THEMIS: variants seen among roughly 807,000 people sequenced by gnomAD.
THEMIS encodes protein THEMIS.
In THEMIS, 37 loss-of-function variants were observed where a neutral mutation model predicts 52.6. That is an observed-to-expected ratio of 0.70 (90% CI 0.54 to 0.93). The LOEUF (loss-of-function observed/expected upper bound fraction) is 0.93. Ranked by LOEUF, THEMIS falls within the 40% of genes least tolerant of loss-of-function variation. The probability of loss-of-function intolerance (pLI) is 0.00; values close to 1 mark genes in which losing one functional copy is unlikely to be tolerated. For missense variants in THEMIS, 808 were observed against 763.1 expected (o/e 1.06, Z -0.69); for synonymous variants, 292 against 272.7 (o/e 1.07, Z -0.70).
intron 4 of THEMIS, among the ~76,000 whole-genome samples, chr6:127,768,787 T>C (rs952148363): frequency 5.9e-5 from 9 of 152,322 alleles, no homozygotes; most frequent in African/African-American, 2.2e-4. Context: ...GTTACCTCGA[T>C]GTAGCTGGAT....
chr6:127,798,510 A>C (rs528021834), intron 4 of THEMIS, among the ~76,000 whole-genome samples: 8 of 152,300 alleles, frequency 5.3e-5, no homozygotes, highest in African/African-American at 1.9e-4. Context: ...CAGATCTTTC[A>C]TGAACTATGA....
At chr6:127,790,709 G>T (rs114175111) in intron 4 of THEMIS, among the ~76,000 whole-genome samples, 7 of 152,184 alleles carry the variant, frequency 4.6e-5, no homozygotes, top group Non-Finnish European at 8.8e-5. Context: ...CTCAGCTTGC[G>T]TGACAAACCT....
At chr6:127,696,852 C>T in the THEMIS span, among the ~76,000 whole-genome samples, 1 of 152,116 alleles carries the variant, frequency 6.6e-6, no homozygotes, top group Admixed American at 6.5e-5. Flanking sequence ...CTTATAAAGG[C>T]ACCAATCTAC....
intron 1 of THEMIS, among the ~76,000 whole-genome samples, chr6:127,877,247 T>C (rs1780341805): frequency 6.6e-6 from 1 of 152,320 alleles, no homozygotes; most frequent in South Asian, 2.1e-4. Flanking sequence ...CCACTAAAAC[T>C]TTCTTATCAG....
At chr6:127,899,078 A>C (rs2114498752) in intron 1 of THEMIS, among the ~76,000 whole-genome samples, 1 of 151,984 alleles carries the variant, frequency 6.6e-6, no homozygotes, top group East Asian at 1.9e-4. Context: ...TATAGCTAAA[A>C]ATAATTTACT....
intron 2 of THEMIS, among the ~76,000 whole-genome samples, chr6:127,847,192 A>G (rs1779243863): frequency 6.6e-6 from 1 of 152,050 alleles, no homozygotes; most frequent in East Asian, 1.9e-4. Context: ...GAATGGGGAA[A>G]AGTTGAAAGC....
chr6:127,761,495 T>A (rs1346392809), intron 4 of THEMIS, among the ~76,000 whole-genome samples: 1 of 152,170 alleles, frequency 6.6e-6, no homozygotes, highest in East Asian at 1.9e-4. Flanking sequence ...CCCTTCCTCA[T>A]TTTAATGCTA....
Position 127,769,352 on chromosome 6 carries a change from G to T in THEMIS, c.1758+43531C>A, listed in dbSNP as rs866555048. 3.0e-3 allele frequency among the ~76,000 whole-genome samples: 415 copies of T among 139,938 alleles called. 1 individual carries two copies. The highest frequency in any genetic ancestry group is 9.3e-3 in the African/African-American group (358 of 38,480). 91.8% of individuals were successfully genotyped at this position (139,938 alleles called of 152,430 possible). A position where few individuals can be genotyped will look rare whatever the true frequency, so the allele number is the denominator to read the frequency against. On this transcript the variant is annotated intron_variant, in intron 4 of 5. Coordinates refer to ENST00000368248, the MANE Select transcript of THEMIS (RefSeq NM_001010923.3). ...AATGAAAATAGACCAGTTTTTTTTT[G>T]TTTTTTTTTTTTGTTTTTAGTATCT...
chr6:127,832,846 C>A (rs1778746595), intron 2 of THEMIS, among the ~76,000 whole-genome samples: 1 of 117,480 alleles, frequency 8.5e-6, no homozygotes, highest in South Asian at 3.0e-4. Flanking sequence ...TGCAGTGGTA[C>A]AATTTCGGCT....
At chr6:127,910,700 C>T (rs1050039810) in intron 1 of THEMIS, among the ~76,000 whole-genome samples, 1 of 152,108 alleles carries the variant, frequency 6.6e-6, no homozygotes, top group South Asian at 2.1e-4. Flanking sequence ...TTCCTGTATA[C>T]CCATACAAAC....
At chr6:127,851,088 T>A (rs895763460) in intron 2 of THEMIS, among the ~76,000 whole-genome samples, 1 of 151,420 alleles carries the variant, frequency 6.6e-6, no homozygotes, top group African/African-American at 2.4e-5. Context: ...GCAATTGAGA[T>A]TATACATTCA....
At chr6:127,812,032 TC>T (rs540363775) in intron 4 of THEMIS, among the ~76,000 whole-genome samples, 1 of 152,242 alleles carries the variant, frequency 6.6e-6, no homozygotes, top group Non-Finnish European at 1.5e-5. Flanking sequence ...ACACAGCCTC[TC>T]TTTGTTTTAC....
rs190591896 is a variant in THEMIS at position 127,828,555 on chromosome 6, C to T, written c.709+921G>A. ...AACTCTTTACTATCCATCCTACTCA[C>T]GTGTCATAATCCTGAAAATTCAAGG... On this transcript the variant is annotated intron_variant, in intron 3 of 5. Transcript: ENST00000368248. Among the ~76,000 whole-genome samples the T allele has an allele frequency of 5.9e-5, 9 of 152,302 alleles. No homozygotes were observed. In the East Asian group the frequency reaches 7.7e-4, roughly 13 times the overall value.
chr6:127,718,395 T>C (rs1455710828), intron 5 of THEMIS, among the ~76,000 whole-genome samples: 2 of 151,874 alleles, frequency 1.3e-5, no homozygotes, highest in Non-Finnish European at 2.9e-5. Context: ...TTACAAGTAA[T>C]ACGTTCAAAG....
At chr6:127,768,694 T>A (rs1002340658) in intron 4 of THEMIS, among the ~76,000 whole-genome samples, 6 of 152,250 alleles carry the variant, frequency 3.9e-5, no homozygotes, top group Non-Finnish European at 4.4e-5. Context: ...TTCAGACAGT[T>A]ATTTAGATCA....
At chr6:127,832,768 T>C (rs374673147) in intron 2 of THEMIS, among the ~76,000 whole-genome samples, 1 of 141,196 alleles carries the variant, frequency 7.1e-6, no homozygotes, top group African/African-American at 2.7e-5. Context: ...CCACCTAGGA[T>C]TGTCAGATCT....
At chr6:127,707,826 A>G (rs1205634643), downstream of THEMIS, among the ~76,000 whole-genome samples, 2 of 152,134 alleles carry the variant, frequency 1.3e-5, no homozygotes, top group South Asian at 2.1e-4. Context: ...CCTGGATGTA[A>G]GAGTTGAGCT....
chr6:127,885,981 C>A (rs1362297607), intron 1 of THEMIS, among the ~76,000 whole-genome samples: 1 of 152,042 alleles, frequency 6.6e-6, no homozygotes, highest in Admixed American at 6.6e-5. Context: ...TTGGACATTG[C>A]AATGTCCAAA....
At chr6:127,741,206 G>A (rs1775190584) in intron 4 of THEMIS, among the ~76,000 whole-genome samples, 1 of 152,144 alleles carries the variant, frequency 6.6e-6, no homozygotes, top group Non-Finnish European at 1.5e-5. Context: ...CTATGCGTAA[G>A]CTTACCATTT....
Sources: allele counts gnomAD v4.1 joint callset (sites outside exome capture counted in the v4.1 genomes callset), GRCh38; gene constraint gnomAD v4.1.1; transcripts MANE v1.5; gene names NCBI Gene and HGNC (gene_info 2026-07-23, HGNC 2026-07-21).